MMP16: variants seen among roughly 807,000 people sequenced by gnomAD.
MMP16 encodes the protein matrix metallopeptidase 16, also known as matrix metalloproteinase-16.
MMP16 carries 12 observed loss-of-function variants against 67.8 expected under a neutral mutation model. The ratio of observed to expected loss-of-function variants is 0.18; its 90% CI spans 0.11 to 0.29. The LOEUF is 0.29. MMP16 is among the 10% of genes least tolerant of loss of function. The pLI is 1.00. For synonymous variants in MMP16, 249 were observed against 255.9 expected, an observed-to-expected ratio of 0.97 and a Z score of 0.26; for missense variants, 475 against 765.7, an observed-to-expected ratio of 0.62 and a Z score of 4.48.
At chr8:88,164,379 A>C (rs1182847833) in intron 4 of MMP16, among the ~76,000 whole-genome samples, 7 of 152,064 alleles carry the variant, frequency 4.6e-5, no homozygotes, top group Non-Finnish European at 4.4e-5. Flanking sequence ...AAATAGTTTC[A>C]CACATAGTTA....
At chr8:88,069,323 T>C (rs370172807) in intron 7 of MMP16, 1 of 372,730 alleles carries the variant, frequency 2.7e-6, no homozygotes, top group Non-Finnish European at 5.4e-6. Flanking sequence ...ACGAATGCAA[T>C]TGTAAATGGC....
chr8:88,104,367 T>C (rs1586153378), intron 6 of MMP16, among the ~76,000 whole-genome samples: 2 of 151,874 alleles, frequency 1.3e-5, no homozygotes, highest in South Asian at 4.1e-4. Flanking sequence ...ATGATTTTCA[T>C]TCTATTCCAT....
At chr8:88,149,177 A>G (rs541539188) in intron 4 of MMP16, among the ~76,000 whole-genome samples, 66 of 152,358 alleles carry the variant, frequency 4.3e-4, no homozygotes, top group Middle Eastern at 3.4e-3. Flanking sequence ...GCGCACCACG[A>G]AACCATATCC....
chr8:88,175,542 C>T (rs932532011), intron 3 of MMP16, among the ~76,000 whole-genome samples: 9 of 152,060 alleles, frequency 5.9e-5, no homozygotes, highest in Non-Finnish European at 4.4e-5. Context: ...GTCTTGTCAG[C>T]GCACTCTCAA....
chr8:88,228,821 T>C (rs1230504886), intron 1 of MMP16, among the ~76,000 whole-genome samples: 1 of 152,018 alleles, frequency 6.6e-6, no homozygotes, highest in African/African-American at 2.4e-5. Flanking sequence ...GGAGTCAATA[T>C]AATTATACTT....
At position 88,060,760 on chromosome 8, in the gene MMP16, C is replaced by G. The variant is rs114627425; in HGVS notation, c.1223-4482G>C. ...AATAACTTGAGGAAAAACACTACAT[C>G]GAACACATTATTTTCGTGTAGCACC... On this transcript the variant is annotated intron_variant, in intron 7 of 9. Coordinates refer to ENST00000286614, the MANE Select transcript of MMP16 (RefSeq NM_005941.5). 7.8e-3 allele frequency among the ~76,000 whole-genome samples: 1,186 copies of G among 152,098 alleles called. 8 individuals carry two copies. The highest frequency in any genetic ancestry group is 0.027 in the African/African-American group (1,118 of 41,498).
intron 4 of MMP16, among the ~76,000 whole-genome samples, chr8:88,122,718 A>C (rs545952024): frequency 1.7e-4 from 26 of 151,704 alleles, no homozygotes; most frequent in African/African-American, 6.0e-4. Flanking sequence ...GAAGCTAAAG[A>C]GATATGTGGG....
intron 1 of MMP16, among the ~76,000 whole-genome samples, chr8:88,221,634 A>C (rs1054767923): frequency 6.6e-6 from 1 of 152,106 alleles, no homozygotes; most frequent in African/African-American, 2.4e-5. Context: ...TATAATTCTC[A>C]AACTAAAATA....
intron 4 of MMP16, among the ~76,000 whole-genome samples, chr8:88,120,863 T>A (rs2118442460): frequency 6.6e-6 from 1 of 151,890 alleles, no homozygotes; most frequent in South Asian, 2.1e-4. Flanking sequence ...AAAAAAAAAT[T>A]CCAAACTTCA....
At chr8:88,069,061 T>C (rs28856040) in intron 7 of MMP16, among the ~76,000 whole-genome samples, 6,904 of 152,202 alleles carry the variant, frequency 0.045, 170 homozygotes, top group African/African-American at 0.056. Context: ...TATCTGTATA[T>C]ATGAATTTTA....
At chr8:88,101,434 A>C (rs146833027) in intron 6 of MMP16, among the ~76,000 whole-genome samples, 283 of 152,026 alleles carry the variant, frequency 1.9e-3, no homozygotes, top group African/African-American at 6.4e-3. Context: ...GGAAAAGGCT[A>C]TCTCTATTCA....
chr8:88,046,079 C>A (rs562463513), intron 9 of MMP16, among the ~76,000 whole-genome samples: 36 of 152,178 alleles, frequency 2.4e-4, no homozygotes, highest in African/African-American at 7.9e-4. Context: ...TGGATTATCC[C>A]CAGCTTGGCT....
At chr8:88,202,950 T>C (rs780682857) in intron 1 of MMP16, among the ~76,000 whole-genome samples, 4 of 144,340 alleles carry the variant, frequency 2.8e-5, no homozygotes, top group African/African-American at 7.3e-5. Flanking sequence ...GAGTCTGTCA[T>C]GTGAGTCACA....
chr8:88,093,081 G>T (rs891597056), intron 6 of MMP16, among the ~76,000 whole-genome samples: 2 of 151,798 alleles, frequency 1.3e-5, no homozygotes, highest in Non-Finnish European at 2.9e-5. Flanking sequence ...AAGAAAAAAA[G>T]GATATAAAAA....
intron 4 of MMP16, among the ~76,000 whole-genome samples, chr8:88,142,444 A>T (rs1808227659): frequency 1.3e-5 from 2 of 152,150 alleles, no homozygotes; most frequent in Non-Finnish European, 2.9e-5. Flanking sequence ...TGCTTTATCT[A>T]GTAATTAATA....
intron 2 of MMP16, among the ~76,000 whole-genome samples, chr8:88,191,584 A>G (rs1586197705): frequency 6.6e-6 from 1 of 152,170 alleles, no homozygotes; most frequent in African/African-American, 2.4e-5. Context: ...TAATAGAAAT[A>G]TAAATAAACA....
At chr8:88,094,945 C>T (rs2118357267) in intron 6 of MMP16, among the ~76,000 whole-genome samples, 1 of 151,934 alleles carries the variant, frequency 6.6e-6, no homozygotes, top group Non-Finnish European at 1.5e-5. Context: ...TTTCTTTGGC[C>T]TTCCTAACCA....
At position 88,197,194 on chromosome 8, in the gene MMP16, A is replaced by T; in HGVS notation, c.245T>A (p.Ile82Asn). The change falls in exon 2 of 10, where the codon ATT (isoleucine) becomes AAT (asparagine). Residue 82 changes from isoleucine to asparagine, a missense_variant. This residue lies in a region of MMP16 where 170 missense variants were observed against 239.6 expected (regional missense o/e 0.71). Transcript: ENST00000286614. Reference protein sequence around the residue: ...ALAAMQQFYGINMTGKVDRNT... With the variant: ...ALAAMQQFYGNNMTGKVDRNT... ...TCTGTCCACTTTTCCTGTCATGTTAATGCCATAGAACTGCTGCATGGCAGC... is the reference window on the plus strand; with the variant it reads ...TCTGTCCACTTTTCCTGTCATGTTATTGCCATAGAACTGCTGCATGGCAGC... 1 of 1,612,080 alleles carries T rather than the reference A, an allele frequency of 6.2e-7. No homozygotes were observed. The highest frequency in any genetic ancestry group is 8.5e-7 in the Non-Finnish European group (1 of 1,179,348).
At chr8:88,259,080 T>A (rs1810348028) in intron 1 of MMP16, among the ~76,000 whole-genome samples, 1 of 152,158 alleles carries the variant, frequency 6.6e-6, no homozygotes. Flanking sequence ...AAAATGAAGA[T>A]GCTGGCACAA....
Sources: allele counts gnomAD v4.1 joint callset (sites outside exome capture counted in the v4.1 genomes callset), GRCh38; gene constraint gnomAD v4.1.1; regional missense constraint gnomAD v4.1.1; transcripts MANE v1.5; gene names NCBI Gene and HGNC (gene_info 2026-07-23, HGNC 2026-07-21).